Variants in UBR3 observed in about 807,000 individuals in gnomAD.
UBR3 encodes ubiquitin protein ligase E3 component n-recognin 3, also known as E3 ubiquitin-protein ligase UBR3.
In UBR3, 85 loss-of-function variants were observed where a neutral mutation model predicts 243.2. The ratio of observed to expected loss-of-function variants is 0.35; its 90% CI spans 0.29 to 0.42. The LOEUF is 0.42. Ranked by LOEUF, UBR3 falls within the 10% of genes least tolerant of loss-of-function variation. UBR3 has a pLI of 1.00. For missense variants in UBR3, 1,686 were observed against 2,300.8 expected, an observed-to-expected ratio of 0.73 and a Z score of 5.47; for synonymous variants, 748 against 799.8, an observed-to-expected ratio of 0.94 and a Z score of 1.09.
chr2:170,050,463 C>G (rs2091191557), intron 32 of UBR3, among the ~76,000 whole-genome samples: 1 of 152,084 alleles, frequency 6.6e-6, no homozygotes. Context: ...TGCTCTTCCC[C>G]TAGGGATTTT....
intron 24 of UBR3, among the ~76,000 whole-genome samples, chr2:169,978,336 G>A (rs765648719): frequency 1.3e-5 from 2 of 152,046 alleles, no homozygotes; most frequent in African/African-American, 2.4e-5. Flanking sequence ...TGGCACTTGG[G>A]TCTTGGCGTG....
chr2:170,042,705 A>AAG (rs1047640665), intron 32 of UBR3, among the ~76,000 whole-genome samples: 1 of 151,072 alleles, frequency 6.6e-6, no homozygotes, highest in African/African-American at 2.4e-5. Context: ...AAAAAAAAAA[A>AAG]AAAGTTTTTG....
In UBR3 at chr2:169,827,804, G is replaced by GGGC; in HGVS notation, c.307_309dup (p.Gly103dup). ...TGGAGTGGTGTAAGTGCCTTCTGGC[G>GGGC]GGCGGCGGCGGCTACGACGAGTTCT... On this transcript the variant is annotated inframe_insertion, in exon 1 of 39. Transcript: ENST00000272793. 1.3e-6 allele frequency: 2 copies of GGGC among 1,495,158 alleles called. No individual in the cohort carries two copies. Among genetic ancestry groups the GGGC allele is most frequent in the Non-Finnish European group, 8.9e-7 (1 of 1,126,694 alleles). 92.6% of individuals were successfully genotyped at this position (1,495,158 alleles called of 1,614,324 possible). A position where few individuals can be genotyped will look rare whatever the true frequency, so the allele number is the denominator to read the frequency against.
intron 3 of UBR3, among the ~76,000 whole-genome samples, chr2:169,876,495 T>A (rs1166206507): frequency 6.6e-6 from 1 of 151,976 alleles, no homozygotes; most frequent in Non-Finnish European, 1.5e-5. Flanking sequence ...GTCTCCTAAC[T>A]TTTGGTGTGA....
At chr2:169,988,816 A>G (rs2089148620) in intron 25 of UBR3, among the ~76,000 whole-genome samples, 1 of 152,136 alleles carries the variant, frequency 6.6e-6, no homozygotes, top group African/African-American at 2.4e-5. Context: ...AAAAGAAAAA[A>G]AGAAACTGAC....
chr2:170,018,072 A>G (rs2090296357), intron 30 of UBR3, among the ~76,000 whole-genome samples: 4 of 152,106 alleles, frequency 2.6e-5, no homozygotes, highest in Admixed American at 2.6e-4. Context: ...TCCTGCCCTT[A>G]AGTGTCCCAA....
chr2:169,890,551 A>ATGTG (rs2084306808), intron 5 of UBR3, among the ~76,000 whole-genome samples: 2 of 102,038 alleles, frequency 2.0e-5, no homozygotes, highest in African/African-American at 8.5e-5. Flanking sequence ...ATATATATAT[A>ATGTG]TATATATATA....
At chr2:169,855,997 G>C (rs897908360) in intron 1 of UBR3, among the ~76,000 whole-genome samples, 2 of 151,940 alleles carry the variant, frequency 1.3e-5, no homozygotes, top group South Asian at 2.1e-4. Flanking sequence ...CTCCCAGATG[G>C]GGGGGCTGCC....
chr2:169,928,947 G>T (rs2086012638), intron 18 of UBR3, 79 bp downstream of exon 18: 4 of 1,182,946 alleles, frequency 3.4e-6, no homozygotes, highest in South Asian at 3.2e-5. Flanking sequence ...AAAAGAAAAT[G>T]TTTACCTTTT....
chr2:169,920,351 G>C (rs1465570072), intron 11 of UBR3, among the ~76,000 whole-genome samples: 3 of 152,076 alleles, frequency 2.0e-5, no homozygotes, highest in Admixed American at 2.0e-4. Context: ...AGCATTAGGA[G>C]ATATACCTAA....
At chr2:170,012,326 T>C (rs1373432143) in intron 29 of UBR3, among the ~76,000 whole-genome samples, 7 of 152,080 alleles carry the variant, frequency 4.6e-5, no homozygotes, top group Non-Finnish European at 1.0e-4. Flanking sequence ...ATTGGTTACA[T>C]ATCAAAAGAA....
chr2:170,060,422 TTTTA>T (rs2091434056), intron 33 of UBR3, among the ~76,000 whole-genome samples: 1 of 152,104 alleles, frequency 6.6e-6, no homozygotes, highest in African/African-American at 2.4e-5. Context: ...TATTGTCCTA[TTTTA>T]TTTTTATAGT....
intron 26 of UBR3, among the ~76,000 whole-genome samples, chr2:169,998,899 C>G (rs7588699): frequency 3.3e-5 from 5 of 152,052 alleles, no homozygotes; most frequent in African/African-American, 1.2e-4. Flanking sequence ...GTTATCATTC[C>G]TCTCTTGTAA....
intron 1 of UBR3, among the ~76,000 whole-genome samples, chr2:169,870,639 A>G (rs1042143789): frequency 6.6e-6 from 1 of 151,722 alleles, no homozygotes; most frequent in Non-Finnish European, 1.5e-5. Flanking sequence ...GTCTGGGGAA[A>G]CTGTCTTTTA....
At chr2:170,011,391 G>A (rs1271498499) in intron 29 of UBR3, among the ~76,000 whole-genome samples, 2 of 151,936 alleles carry the variant, frequency 1.3e-5, no homozygotes, top group African/African-American at 2.4e-5. Flanking sequence ...AGAATATTTA[G>A]CAATAAACTT....
intron 2 of UBR3, among the ~76,000 whole-genome samples, chr2:169,873,328 A>G (rs1195838342): frequency 1.3e-5 from 2 of 152,222 alleles, no homozygotes; most frequent in Non-Finnish European, 2.9e-5. Context: ...AAGCAAAAAT[A>G]TACAATCCTT....
chr2:170,075,328 A>G (rs1326736372), intron 36 of UBR3, among the ~76,000 whole-genome samples: 1 of 152,108 alleles, frequency 6.6e-6, no homozygotes, highest in East Asian at 1.9e-4. Flanking sequence ...TGATGTCTGA[A>G]AACCTATGCA....
At chr2:169,917,335 G>A (rs2085502428) in intron 11 of UBR3, among the ~76,000 whole-genome samples, 1 of 152,070 alleles carries the variant, frequency 6.6e-6, no homozygotes, top group African/African-American at 2.4e-5. Context: ...CCCTGTCCAG[G>A]GTCAGTCCCT....
chr2:169,877,473 T>C, intron 3 of UBR3, 21 bp from the exon 4 acceptor site: 1 of 1,518,062 alleles, frequency 6.6e-7, no homozygotes, highest in Non-Finnish European at 8.8e-7. Context: ...TTTTTTCTGA[T>C]TTGAAGTTTG....
Sources: gnomAD v4.1 joint callset for allele counts (sites outside exome capture counted in the v4.1 genomes callset) on GRCh38, gnomAD v4.1.1 for gene constraint, MANE v1.5 for transcripts, NCBI Gene and HGNC (gene_info 2026-07-23, HGNC 2026-07-21) for gene names.